The following NPS variants were observed in gnomAD, a reference collection of about 807,000 sequenced individuals.
NPS encodes neuropeptide S, also known as prepro-neuropeptide S.
NPS carries 6 observed loss-of-function variants against 7.2 expected under a neutral mutation model. That is an observed-to-expected ratio of 0.83 (90% CI 0.46 to 1.64). The LOEUF (loss-of-function observed/expected upper bound fraction) is 1.64, where lower values mean the gene tolerates loss of function less well. Among genes scored for constraint, NPS ranks in the 40% most tolerant of loss-of-function variants. The pLI is 0.01. For synonymous variants in NPS, 42 were observed against 36.7 expected (o/e 1.14, Z -0.52); for missense variants, 123 against 97.8 (o/e 1.26, Z -1.09).
intron 2 of NPS, among the ~76,000 whole-genome samples, chr10:127,550,662 C>A (rs887663555): frequency 6.6e-6 from 1 of 152,156 alleles, no homozygotes. Context: ...TATGAGACTT[C>A]CTTGTCCATA....
At chr10:127,550,052 C>T (rs554514750) in intron 2 of NPS, among the ~76,000 whole-genome samples, 26 of 152,260 alleles carry the variant, frequency 1.7e-4, no homozygotes, top group South Asian at 6.2e-4. Context: ...TGAACTCCTA[C>T]GTTCATTGAA....
At chr10:127,551,268 T>TTTG (rs1844856643) in intron 2 of NPS, among the ~76,000 whole-genome samples, 1 of 151,784 alleles carries the variant, frequency 6.6e-6, no homozygotes. Flanking sequence ...AAAAGCCCAT[T>TTTG]TTTTTTCCCC....
At chr10:127,550,103 TA>T (rs1281855317) in intron 2 of NPS, among the ~76,000 whole-genome samples, 1 of 152,196 alleles carries the variant, frequency 6.6e-6, no homozygotes, top group Non-Finnish European at 1.5e-5. Context: ...TTCTTTGGAA[TA>T]TTTAATATTA....
At position 127,549,913 on chromosome 10, in the gene NPS, A is replaced by G. The variant is rs571329513; in HGVS notation, c.90+343A>G. 3.9e-5 allele frequency among the ~76,000 whole-genome samples: 6 copies of G among 152,240 alleles called. No individual in the cohort carries two copies. The South Asian group carries it at 1.2e-3, about 31-fold the overall frequency. ...GTGAACACTTAACCATGGAAACTAT[A>G]TTAAAAATAAAGTGGTCATTTTTCA... On this transcript the variant is annotated intron_variant, in intron 2 of 2. Transcript: ENST00000398023.
chr10:127,550,525 C>T (rs1399943829), intron 2 of NPS, among the ~76,000 whole-genome samples: 3 of 152,142 alleles, frequency 2.0e-5, no homozygotes, highest in Non-Finnish European at 4.4e-5. Flanking sequence ...TATATTTTCT[C>T]AAGTGTCTTC....
Position 127,552,554 on chromosome 10 carries a change from T to C in NPS, c.185T>C (p.Leu62Ser). ...SKELAFLKPI[L>S]EKMFVKRSFR... ...GAACTAGCTTTTCTAAAGCCAATTT[T>C]GGAGAAGATGTTTGTGAAAAGGTCC... The change falls in exon 3 of 3, where the codon TTG (leucine) becomes TCG (serine). Residue 62 changes from leucine (L) to serine (S), a missense_variant. Leu to Ser is a moderately radical substitution (Grantham distance 145). Coordinates refer to ENST00000398023, the MANE Select transcript of NPS (RefSeq NM_001030013.2). The C allele has an allele frequency of 6.2e-7, 1 of 1,613,560 alleles. No homozygotes were observed. The highest frequency in any genetic ancestry group is 8.5e-7 in the Non-Finnish European group (1 of 1,179,520).
chr10:127,550,199 C>T (rs968894760), intron 2 of NPS, among the ~76,000 whole-genome samples: 6 of 152,024 alleles, frequency 3.9e-5, no homozygotes, highest in African/African-American at 9.7e-5. Flanking sequence ...GCATTTTGAA[C>T]TTGAACTTTT....
At position 127,551,410 on chromosome 10, in the gene NPS, C is replaced by T. The variant is rs569341492; in HGVS notation, c.91-1050C>T. Among the ~76,000 whole-genome samples the T allele has an allele frequency of 2.0e-4, 30 of 152,054 alleles. 1 individual carries two copies. The highest frequency in any genetic ancestry group is 1.2e-3 in the East Asian group (6 of 5,150). On this transcript the variant is annotated intron_variant, in intron 2 of 2. Transcript: ENST00000398023. ...CGACTTCCATACAGTAACCTGAGACCACACTTGTTTTCCTGCACCAAGATA... is the reference window on the plus strand; with the variant it reads ...CGACTTCCATACAGTAACCTGAGACTACACTTGTTTTCCTGCACCAAGATA...
chr10:127,550,067 T>C (rs1282390654), intron 2 of NPS, among the ~76,000 whole-genome samples: 1 of 152,216 alleles, frequency 6.6e-6, no homozygotes. Context: ...ATTGAACTGT[T>C]CAAGACATTC....
chr10:127,551,290 G>A (rs139986360), intron 2 of NPS, among the ~76,000 whole-genome samples: 79 of 152,070 alleles, frequency 5.2e-4, no homozygotes, highest in African/African-American at 1.9e-3. Context: ...GAGGCCAGTG[G>A]GAATGATTTG....
Position 127,549,483 on chromosome 10 carries a change from T to G in NPS, c.9-6T>G, listed in dbSNP as rs759781721. ...ATCTTGATTGTACTTTTTTTCTACT[T>G]TGCAGCTCAGTAAAACTCAATCTCA... On this transcript the variant is annotated splice_polypyrimidine_tract_variant and splice_region_variant and intron_variant, in intron 1 of 2. Transcript: ENST00000398023. 6 of 1,608,006 alleles carry G rather than the reference T, an allele frequency of 3.7e-6. No homozygotes were observed. The East Asian group carries it at 1.1e-4, about 30-fold the overall frequency.
intron 2 of NPS, among the ~76,000 whole-genome samples, chr10:127,551,633 A>G (rs1275270913): frequency 6.6e-6 from 1 of 152,194 alleles, no homozygotes. Flanking sequence ...CAAGCAGCAC[A>G]CAGATCATGG....
chr10:127,550,500 C>G (rs1274527310), intron 2 of NPS, among the ~76,000 whole-genome samples: 1 of 152,162 alleles, frequency 6.6e-6, no homozygotes. Flanking sequence ...TGATGAGTCA[C>G]AATCCATATA....
Position 127,552,609 on chromosome 10 carries a change from A to T in NPS, c.240A>T (p.Lys80Asn). The T allele has an allele frequency of 6.2e-7, 1 of 1,613,660 alleles. No individual in the cohort carries two copies. The highest frequency in any genetic ancestry group is 8.5e-7 in the Non-Finnish European group (1 of 1,179,666). Reference sequence around the variant, plus strand: ...GCAATGGAGTTGGCACAGGGATGAAAAAAACTTCCTTTCAAAGAGCAAAAT... The same window carrying T: ...GCAATGGAGTTGGCACAGGGATGAATAAAACTTCCTTTCAAAGAGCAAAAT... Reference protein sequence around the residue: ...SFRNGVGTGMKKTSFQRAKS With the variant: ...SFRNGVGTGMNKTSFQRAKS The change falls in exon 3 of 3, where the codon AAA (lysine) becomes AAT (asparagine). Residue 80 changes from lysine to asparagine, a missense_variant. Lys to Asn is a moderately conservative substitution (Grantham distance 94). Coordinates refer to ENST00000398023, the MANE Select transcript of NPS (RefSeq NM_001030013.2).
In NPS at chr10:127,553,411, C is replaced by T. The variant is rs543488461; in HGVS notation, c.*772C>T. 1.3e-5 allele frequency among the ~76,000 whole-genome samples: 2 copies of T among 152,168 alleles called. No individual in the cohort carries two copies. The highest frequency in any genetic ancestry group is 2.9e-5 in the Non-Finnish European group (2 of 68,036). On this transcript the variant is annotated 3_prime_UTR_variant, in exon 3 of 3. Transcript: ENST00000398023. ...TATGCTGATTAATGCCCTCTCCTTT[C>T]CCCCATCCTTCCAGGAAAGACTGCC...
chr10:127,550,502 A>G (rs1844848365), intron 2 of NPS, among the ~76,000 whole-genome samples: 1 of 152,148 alleles, frequency 6.6e-6, no homozygotes, highest in South Asian at 2.1e-4. Context: ...ATGAGTCACA[A>G]TCCATATACT....
chr10:127,552,685 G>T lies in NPS; in HGVS notation c.*46G>T. 7.8e-7 allele frequency: 1 copy of T among 1,279,342 alleles called. No individual in the cohort carries two copies. The highest frequency in any genetic ancestry group is 1.3e-5 in the South Asian group (1 of 79,834). 79.2% of individuals were successfully genotyped at this position (1,279,342 alleles called of 1,614,324 possible). A position where few individuals can be genotyped will look rare whatever the true frequency, so the allele number is the denominator to read the frequency against. ...GGGAATTAATCTAACTGTAGAGTGT[G>T]ACTGACGTACTCAAAGTCCATCGTC... On this transcript the variant is annotated 3_prime_UTR_variant, in exon 3 of 3. Transcript: ENST00000398023.
At chr10:127,550,045 ACTC>A (rs5788851) in intron 2 of NPS, among the ~76,000 whole-genome samples, 24 of 152,256 alleles carry the variant, frequency 1.6e-4, no homozygotes, top group African/African-American at 5.5e-4. Flanking sequence ...TATTGATTGA[ACTC>A]CTACGTTCAT....
At chr10:127,551,381 G>A (rs945473790) in intron 2 of NPS, among the ~76,000 whole-genome samples, 3 of 151,942 alleles carry the variant, frequency 2.0e-5, no homozygotes, top group African/African-American at 7.3e-5. Flanking sequence ...CTCTGGCCCC[G>A]TTTCGACTTC....
Sources: gnomAD v4.1 joint callset for allele counts (sites outside exome capture counted in the v4.1 genomes callset) on GRCh38, gnomAD v4.1.1 for gene constraint, MANE v1.5 for transcripts, NCBI Gene and HGNC (gene_info 2026-07-23, HGNC 2026-07-21) for gene names.